Variants in BAZ2A observed in about 807,000 individuals in gnomAD.
BAZ2A encodes bromodomain adjacent to zinc finger domain 2A, also known as bromodomain adjacent to zinc finger domain protein 2A.
Under a neutral mutation model 199.9 loss-of-function variants are expected in BAZ2A, and 34 were observed. The observed-to-expected ratio is 0.17, with a 90% CI of 0.13 to 0.23. BAZ2A has a LOEUF of 0.23. Ranked by LOEUF, BAZ2A falls within the 10% of genes least tolerant of loss-of-function variation. The pLI, the probability that BAZ2A is intolerant of heterozygous loss-of-function variation, is 1.00. For synonymous variants in BAZ2A, 857 were observed against 883.9 expected, an observed-to-expected ratio of 0.97 and a Z score of 0.54; for missense variants, 2,002 against 2,391.1, an observed-to-expected ratio of 0.84 and a Z score of 3.39.
chr12:56,601,057 A>G lies in BAZ2A; in HGVS notation c.4336T>C (p.Leu1446=), dbSNP rs145686277. 5.0e-6 allele frequency: 8 copies of G among 1,611,528 alleles called. No homozygotes were observed. The African/African-American group carries it at 5.3e-5, about 11-fold the overall frequency. The change falls in exon 22 of 29, where the codon TTG becomes CTG. Residue 1446 remains leucine, a synonymous_variant. Coordinates refer to ENST00000549884, the MANE Select transcript of BAZ2A (RefSeq NM_001300905.2). ...GWWWIRDPEM[L]DAMLKALHPR... ...TGTAGGGCCTTGAGCATGGCATCCAACATCTCAGGATCTCGTATCCACCAC... is the reference window on the plus strand; with the variant it reads ...TGTAGGGCCTTGAGCATGGCATCCAGCATCTCAGGATCTCGTATCCACCAC...
chr12:56,625,720 A>G (rs1245225446), intron 1 of BAZ2A, among the ~76,000 whole-genome samples: 1 of 151,614 alleles, frequency 6.6e-6, no homozygotes, highest in Non-Finnish European at 1.5e-5. Flanking sequence ...TACTAAAAAT[A>G]CAAAAATTAG....
At chr12:56,599,097 C>A in intron 27 of BAZ2A, 32 bp downstream of exon 27, 1 of 1,598,826 alleles carries the variant, frequency 6.3e-7, no homozygotes, top group South Asian at 1.1e-5. Flanking sequence ...AGAGGTAGAG[C>A]CAACTGTCCC....
In BAZ2A at chr12:56,601,111, G is replaced by T; in HGVS notation, c.4295-13C>A. The T allele has an allele frequency of 6.2e-7, 1 of 1,613,750 alleles. No individual in the cohort carries two copies. The highest frequency in any genetic ancestry group is 8.5e-7 in the Non-Finnish European group (1 of 1,179,774). ...CCTGAGCACATCTCTGTGAGCAGAT[G>T]AGATATATGTGGGGCGCCAGCTGTG... is the stretch of plus-strand genomic sequence containing the variant. On this transcript the variant is annotated splice_polypyrimidine_tract_variant and intron_variant, in intron 21 of 28. Coordinates refer to ENST00000549884, the MANE Select transcript of BAZ2A (RefSeq NM_001300905.2).
At chr12:56,605,422 A>AG in intron 13 of BAZ2A, 95 bp from the exon 14 acceptor site, 1 of 1,280,868 alleles carries the variant, frequency 7.8e-7, no homozygotes, top group Non-Finnish European at 1.0e-6. Flanking sequence ...ATTTTTATGT[A>AG]ATTTTTTTTT....
intron 1 of BAZ2A, 52 bp downstream of exon 1, chr12:56,630,073 A>G: frequency 1.1e-6 from 1 of 940,542 alleles, no homozygotes; most frequent in Non-Finnish European, 1.3e-6. Flanking sequence ...GAAGCCTCGG[A>G]TGAAAGCGGG....
chr12:56,636,992 T>C (rs1951462380), upstream of BAZ2A, among the ~76,000 whole-genome samples: 1 of 152,208 alleles, frequency 6.6e-6, no homozygotes, highest in African/African-American at 2.4e-5. Flanking sequence ...CAGGGGCCTC[T>C]GAATTGGAGC....
At chr12:56,637,200 G>T (rs1045522434), upstream of BAZ2A, among the ~76,000 whole-genome samples, 15 of 152,210 alleles carry the variant, frequency 9.9e-5, no homozygotes, top group African/African-American at 3.4e-4. Flanking sequence ...GCTACCGCGA[G>T]AGGGCAGTCG....
rs2136655622 is a variant in BAZ2A, at chr12:56,595,635, A to T, written c.*2983T>A. ...GTCTTATCCGTGAGTGGGAAGTGGTAAGCTGGTGATGGTCCCATATTTGCT... is the reference window on the plus strand; with the variant it reads ...GTCTTATCCGTGAGTGGGAAGTGGTTAGCTGGTGATGGTCCCATATTTGCT... On this transcript the variant is annotated 3_prime_UTR_variant, in exon 29 of 29. Coordinates refer to ENST00000549884, the MANE Select transcript of BAZ2A (RefSeq NM_001300905.2). 1 of 152,070 alleles carries T rather than the reference A, an allele frequency of 6.6e-6. No individual in the cohort carries two copies. The highest frequency in any genetic ancestry group is 1.5e-5 in the Non-Finnish European group (1 of 68,004). The allele number at this position is 152,070 out of a possible 1,614,324, so 9.4% of individuals were successfully genotyped here.
At position 56,602,700 on chromosome 12, in the gene BAZ2A, C is replaced by A; in HGVS notation, c.3424+13G>T. The A allele has an allele frequency of 5.6e-6, 9 of 1,611,540 alleles. No homozygotes were observed. Among genetic ancestry groups the A allele is most frequent in the Non-Finnish European group, 7.6e-6 (9 of 1,177,778 alleles). On this transcript the variant is annotated intron_variant, in intron 19 of 28. Coordinates refer to ENST00000549884, the MANE Select transcript of BAZ2A (RefSeq NM_001300905.2). Reference sequence around the variant, plus strand: ...ATAGGACTCAGAATCCACACTCCCACAGGCACACCTACCTAAGTTCCCCTC... The same window carrying A: ...ATAGGACTCAGAATCCACACTCCCAAAGGCACACCTACCTAAGTTCCCCTC...
chr12:56,631,351 C>T (rs539871284), upstream of BAZ2A, among the ~76,000 whole-genome samples: 2 of 149,824 alleles, frequency 1.3e-5, no homozygotes, highest in South Asian at 2.1e-4. Context: ...CTCAGGAGGC[C>T]GAGGCAAGAG....
upstream of BAZ2A, among the ~76,000 whole-genome samples, chr12:56,631,319 C>T (rs1951305163): frequency 6.6e-6 from 1 of 151,790 alleles, no homozygotes; most frequent in Non-Finnish European, 1.5e-5. Flanking sequence ...GGTGTGGTGG[C>T]GTGCCCCTGT....
rs35960815 is a variant in BAZ2A at position 56,597,637 on chromosome 12, G to GACACAC, written c.*975_*980dup. On this transcript the variant is annotated 3_prime_UTR_variant, in exon 29 of 29. Transcript: ENST00000549884. Reference sequence around the variant, plus strand: ...CACACACACAGCGCGCTCTGAGGCCGACACACACACACACACACACACACA... The same window carrying GACACAC: ...CACACACACAGCGCGCTCTGAGGCCGACACACACACACACACACACACACACACACA... The GACACAC allele has an allele frequency of 0.068, 8,591 of 127,110 alleles. 336 individuals carry two copies. The highest frequency in any genetic ancestry group is 0.082 in the African/African-American group (2,400 of 29,418). 7.9% of individuals were successfully genotyped at this position (127,110 alleles called of 1,614,324 possible). A position where few individuals can be genotyped will look rare whatever the true frequency, so the allele number is the denominator to read the frequency against.
At chr12:56,600,856 A>T in intron 22 of BAZ2A, 24 bp from the exon 23 acceptor site, 4 of 1,612,538 alleles carry the variant, frequency 2.5e-6, no homozygotes, top group Non-Finnish European at 3.4e-6. Flanking sequence ...TGGCAGAGGG[A>T]GAGGCCCATC....
At chr12:56,630,811 T>C (rs1951289274), upstream of BAZ2A, 7 of 985,578 alleles carry the variant, frequency 7.1e-6, no homozygotes, top group South Asian at 1.9e-4. Context: ...CCTGCCTGGA[T>C]CACCACTTTC....
chr12:56,629,341 G>T (rs934389327), intron 1 of BAZ2A, among the ~76,000 whole-genome samples: 1 of 152,138 alleles, frequency 6.6e-6, no homozygotes, highest in Non-Finnish European at 1.5e-5. Context: ...TGAAAACTGG[G>T]AACACCGGGA....
At chr12:56,634,965 A>AGGCGGC (rs974400845), upstream of BAZ2A, 211 of 984,774 alleles carry the variant, frequency 2.1e-4, 1 homozygote, top group African/African-American at 2.4e-3. Flanking sequence ...GCCGGGCCGC[A>AGGCGGC]GGCGGCGGCG....
intron 4 of BAZ2A, among the ~76,000 whole-genome samples, chr12:56,613,440 G>A (rs1016598204): frequency 9.2e-5 from 14 of 152,126 alleles, no homozygotes; most frequent in African/African-American, 2.9e-4. Flanking sequence ...AGGGGAGGCC[G>A]AGGCAGAAGA....
intron 1 of BAZ2A, among the ~76,000 whole-genome samples, chr12:56,618,668 G>A (rs532406481): frequency 5.0e-4 from 75 of 150,416 alleles, no homozygotes; most frequent in African/African-American, 1.7e-3. Flanking sequence ...TCAGGAGTTC[G>A]AGACCAGCCT....
chr12:56,604,895 G>A, intron 14 of BAZ2A, 96 bp from the exon 15 acceptor site: 1 of 1,441,416 alleles, frequency 6.9e-7, no homozygotes, highest in Non-Finnish European at 9.5e-7. Flanking sequence ...AGAGAACTAT[G>A]GGGGTTAAGA....
Sources: gnomAD v4.1 joint callset for allele counts (sites outside exome capture counted in the v4.1 genomes callset) on GRCh38, gnomAD v4.1.1 for gene constraint, MANE v1.5 for transcripts, NCBI Gene and HGNC (gene_info 2026-07-23, HGNC 2026-07-21) for gene names.